The following SORCS3 variants were observed in gnomAD, a reference collection of about 807,000 sequenced individuals.
The protein encoded by SORCS3 is sortilin related VPS10 domain containing receptor 3.
In SORCS3, 57 loss-of-function variants were observed where a neutral mutation model predicts 146.3. The observed-to-expected ratio is 0.39, with a 90% CI of 0.31 to 0.49. The LOEUF (loss-of-function observed/expected upper bound fraction) is 0.49, where lower values mean the gene tolerates loss of function less well. Ranked by LOEUF, SORCS3 falls within the 20% of genes least tolerant of loss-of-function variation. The probability of loss-of-function intolerance (pLI) is 0.92; values close to 1 mark genes in which losing one functional copy is unlikely to be tolerated. For missense variants in SORCS3, 1,341 were observed against 1,575.5 expected (o/e 0.85, Z 2.52); for synonymous variants, 653 against 618.5 (o/e 1.06, Z -0.83).
At chr10:104,940,473 A>G (rs1378564448) in intron 3 of SORCS3, among the ~76,000 whole-genome samples, 9 of 132,272 alleles carry the variant, frequency 6.8e-5, no homozygotes, top group Non-Finnish European at 1.2e-4. Context: ...ATTCCCACCT[A>G]TGAGTGACAA....
At chr10:105,103,682 G>A (rs946278522) in intron 6 of SORCS3, among the ~76,000 whole-genome samples, 9 of 152,206 alleles carry the variant, frequency 5.9e-5, no homozygotes, top group Admixed American at 5.9e-4. Context: ...GAGCTACTGT[G>A]CAGATGATGA....
At chr10:105,013,032 T>C (rs2055144178) in intron 4 of SORCS3, among the ~76,000 whole-genome samples, 1 of 152,182 alleles carries the variant, frequency 6.6e-6, no homozygotes, top group South Asian at 2.1e-4. Flanking sequence ...GTGGTTTATT[T>C]CTAGAATGTA....
chr10:105,183,791 G>T lies in SORCS3; in HGVS notation c.2009+5618G>T, dbSNP rs534367370. 5.3e-5 allele frequency among the ~76,000 whole-genome samples: 8 copies of T among 152,282 alleles called. No homozygotes were observed. In the South Asian group the frequency reaches 1.7e-3, roughly 32 times the overall value. ...CATGCCTGCAGAGGGGGTATTGGATGATGGTAGGGTATACTGGGGACTGGC... is the reference window on the plus strand; with the variant it reads ...CATGCCTGCAGAGGGGGTATTGGATTATGGTAGGGTATACTGGGGACTGGC... On this transcript the variant is annotated intron_variant, in intron 14 of 26. Coordinates refer to ENST00000369701, the MANE Select transcript of SORCS3 (RefSeq NM_014978.3).
At chr10:104,889,140 A>AT (rs1046885548) in intron 2 of SORCS3, among the ~76,000 whole-genome samples, 4 of 151,116 alleles carry the variant, frequency 2.6e-5, no homozygotes, top group Non-Finnish European at 4.4e-5. Context: ...ATTGGTATAT[A>AT]TTTTTTTACC....
At chr10:104,802,394 G>A (rs142700848) in intron 1 of SORCS3, among the ~76,000 whole-genome samples, 2 of 152,312 alleles carry the variant, frequency 1.3e-5, no homozygotes, top group Non-Finnish European at 2.9e-5. Context: ...TTGGAATTGA[G>A]ATAATACTTT....
chr10:105,234,385 G>A lies in SORCS3; in HGVS notation c.2868+11136G>A, dbSNP rs147680747. Among the ~76,000 whole-genome samples the A allele has an allele frequency of 1.5e-3, 233 of 150,952 alleles. 3 individuals carry two copies. Among genetic ancestry groups the A allele is most frequent in the African/African-American group, 5.2e-3 (216 of 41,146 alleles). The stretch of plus-strand genomic sequence containing the variant: ...GATTTTTCAGCATTTATCTGTCTCA[G>A]TGTTCTCTGAGTTTTGAGTGTCTGT... On this transcript the variant is annotated intron_variant, in intron 20 of 26. Coordinates refer to ENST00000369701, the MANE Select transcript of SORCS3 (RefSeq NM_014978.3).
intron 4 of SORCS3, among the ~76,000 whole-genome samples, chr10:105,000,336 A>ATGTGTG (rs60887637): frequency 3.6e-4 from 54 of 149,440 alleles, no homozygotes; most frequent in Non-Finnish European, 5.1e-4. Flanking sequence ...ACGTGTGTTC[A>ATGTGTG]TGTGTGTGTG....
intron 4 of SORCS3, among the ~76,000 whole-genome samples, chr10:105,005,972 T>C (rs188997787): frequency 8.5e-5 from 13 of 152,314 alleles, no homozygotes; most frequent in Admixed American, 8.5e-4. Flanking sequence ...TAAGATGGAG[T>C]CTTGCTCTGT....
intron 2 of SORCS3, among the ~76,000 whole-genome samples, chr10:104,872,797 C>T (rs537313863): frequency 1.3e-4 from 20 of 152,216 alleles, no homozygotes; most frequent in Non-Finnish European, 2.2e-4. Flanking sequence ...TCCACTCCCA[C>T]GCACCATTAC....
intron 5 of SORCS3, among the ~76,000 whole-genome samples, chr10:105,063,410 G>C (rs1238130045): frequency 1.3e-5 from 2 of 152,068 alleles, no homozygotes; most frequent in Non-Finnish European, 2.9e-5. Context: ...TAGACAAAGT[G>C]GCCACACTGT....
intron 2 of SORCS3, among the ~76,000 whole-genome samples, chr10:104,869,286 CA>C (rs2018491710): frequency 6.6e-6 from 1 of 152,024 alleles, no homozygotes; most frequent in Non-Finnish European, 1.5e-5. Flanking sequence ...CCAGAGTGTC[CA>C]AACCAAGAGT....
chr10:105,158,451 G>T (rs992091709), intron 10 of SORCS3, among the ~76,000 whole-genome samples: 1 of 152,196 alleles, frequency 6.6e-6, no homozygotes, highest in Non-Finnish European at 1.5e-5. Flanking sequence ...AGAAGGTGGA[G>T]GGCCTGGCCT....
intron 2 of SORCS3, among the ~76,000 whole-genome samples, chr10:104,883,482 A>C (rs1195102946): frequency 6.6e-6 from 1 of 152,158 alleles, no homozygotes; most frequent in Non-Finnish European, 1.5e-5. Flanking sequence ...AAAGATAAAG[A>C]AAACTCTGAA....
intron 2 of SORCS3, among the ~76,000 whole-genome samples, chr10:104,912,692 G>T (rs1278638899): frequency 6.6e-6 from 1 of 152,154 alleles, no homozygotes; most frequent in Non-Finnish European, 1.5e-5. Context: ...ACTTTCAGCA[G>T]TTGCTTTGTA....
chr10:105,085,965 C>T (rs560130530), intron 5 of SORCS3, among the ~76,000 whole-genome samples: 9 of 152,160 alleles, frequency 5.9e-5, no homozygotes, highest in Admixed American at 5.9e-4. Context: ...ATTACCACCT[C>T]TCTCTCTATT....
chr10:105,112,406 C>T (rs570744309), intron 7 of SORCS3, among the ~76,000 whole-genome samples: 16 of 152,174 alleles, frequency 1.1e-4, no homozygotes, highest in African/African-American at 3.9e-4. Flanking sequence ...TCAATATCTG[C>T]CTGTGGCCTA....
chr10:104,673,871 AAC>A (rs2015884574), intron 1 of SORCS3, among the ~76,000 whole-genome samples: 1 of 152,164 alleles, frequency 6.6e-6, no homozygotes, highest in Non-Finnish European at 1.5e-5. Flanking sequence ...TAACATAAAA[AAC>A]TCTCCTCCTT....
At position 105,217,006 on chromosome 10, in the gene SORCS3, G is replaced by A; in HGVS notation, c.2618G>A (p.Ser873Asn). 1 of 1,614,184 alleles carries A rather than the reference G, an allele frequency of 6.2e-7. No individual in the cohort carries two copies. Among genetic ancestry groups the A allele is most frequent in the South Asian group, 1.1e-5 (1 of 91,088 alleles). ...DGIAVSYANF[S>N]PIEDGIKHVY... ...ATTGCTGTGTCCTACGCAAACTTCA[G>A]CCCCATCGAGGACGGCATCAAGCAC... The change falls in exon 19 of 27, where the codon AGC (serine) becomes AAC (asparagine). Residue 873 changes from serine to asparagine, a missense_variant. Physicochemically the swap from Ser to Asn is conservative, Grantham distance 46. Transcript: ENST00000369701.
chr10:104,832,589 G>A (rs767075267), intron 1 of SORCS3, among the ~76,000 whole-genome samples: 13 of 152,138 alleles, frequency 8.5e-5, no homozygotes, highest in South Asian at 4.2e-4. Context: ...ATGGTGACAC[G>A]TGCTCGTAAT....
Sources: gnomAD v4.1 joint callset for allele counts (sites outside exome capture counted in the v4.1 genomes callset) on GRCh38, gnomAD v4.1.1 for gene constraint, MANE v1.5 for transcripts, NCBI Gene and HGNC (gene_info 2026-07-23, HGNC 2026-07-21) for gene names.